The following SLC6A5 variants were observed in gnomAD, a reference collection of about 807,000 sequenced individuals.
SLC6A5 encodes the protein sodium- and chloride-dependent glycine transporter 2.
A neutral mutation model predicts 90.5 loss-of-function variants in SLC6A5; 58 were observed. The ratio of observed to expected loss-of-function variants is 0.64; its 90% CI spans 0.52 to 0.80. The LOEUF (loss-of-function observed/expected upper bound fraction) is 0.80. Among genes scored for constraint, SLC6A5 ranks in the 30% least tolerant of loss-of-function variants. The pLI is 0.00. For missense variants in SLC6A5, 1,015 were observed against 1,017.6 expected, an observed-to-expected ratio of 1.00 and a Z score of 0.03; for synonymous variants, 427 against 401.4, an observed-to-expected ratio of 1.06 and a Z score of -0.76.
chr11:20,633,007 A>G (rs1183568520), intron 10 of SLC6A5, among the ~76,000 whole-genome samples: 1 of 152,118 alleles, frequency 6.6e-6, no homozygotes, highest in East Asian at 1.9e-4. Flanking sequence ...TGAAGAGACC[A>G]AGCTGTGTTT....
intron 13 of SLC6A5, among the ~76,000 whole-genome samples, chr11:20,646,482 TG>T (rs1280976269): frequency 6.6e-6 from 1 of 152,206 alleles, no homozygotes; most frequent in Non-Finnish European, 1.5e-5. Context: ...TTGCCAGAGT[TG>T]TCACTAAGCA....
rs374593875 is a variant in SLC6A5 at position 20,646,979 on chromosome 11, C to T, written c.2070+45C>T. 1.3e-4 allele frequency: 154 copies of T among 1,223,116 alleles called. No homozygotes were observed. The African/African-American group carries it at 1.9e-3, about 15-fold the overall frequency. The allele number at this position is 1,223,116 out of a possible 1,614,324, so 75.8% of individuals were successfully genotyped here. A position where few individuals can be genotyped will look rare whatever the true frequency, so the allele number is the denominator to read the frequency against. On this transcript the variant is annotated intron_variant, in intron 14 of 15. Coordinates refer to ENST00000525748, the MANE Select transcript of SLC6A5 (RefSeq NM_004211.5). ...TCTTGTGCAGACAGCACCTTGCATA[C>T]GTATGTGGTGTTTTACATTTGAACA...
At chr11:20,607,391 C>T (rs932008218) in intron 4 of SLC6A5, 88 bp from the exon 5 acceptor site, 8 of 1,468,942 alleles carry the variant, frequency 5.4e-6, no homozygotes, top group Admixed American at 1.7e-5. Flanking sequence ...ACAAGAGAGC[C>T]TAGACCTAGG....
At chr11:20,625,214 A>G (rs1345939284) in intron 7 of SLC6A5, among the ~76,000 whole-genome samples, 1 of 152,140 alleles carries the variant, frequency 6.6e-6, no homozygotes, top group Non-Finnish European at 1.5e-5. Flanking sequence ...CCTACCTACC[A>G]TGTTCAACTA....
intron 7 of SLC6A5, among the ~76,000 whole-genome samples, chr11:20,624,010 A>G (rs2133795127): frequency 6.6e-6 from 1 of 152,244 alleles, no homozygotes; most frequent in East Asian, 1.9e-4. Flanking sequence ...GAAGCTATTC[A>G]GGGCAGAAAT....
At chr11:20,604,095 G>A (rs1301035988) in intron 2 of SLC6A5, among the ~76,000 whole-genome samples, 191 bp from the exon 3 acceptor site, 1 of 152,038 alleles carries the variant, frequency 6.6e-6, no homozygotes, top group African/African-American at 2.4e-5. Flanking sequence ...TCAGTGCAGG[G>A]TTGAGGGGTG....
At chr11:20,604,655 A>G (rs1852544004) in intron 3 of SLC6A5, among the ~76,000 whole-genome samples, 1 of 152,074 alleles carries the variant, frequency 6.6e-6, no homozygotes, top group South Asian at 2.1e-4. Context: ...ACAGGGGAGG[A>G]GTGAGAACCC....
Position 20,614,739 on chromosome 11 carries a change from C to T in SLC6A5, c.1046C>T (p.Thr349Ile), listed in dbSNP as rs201604337. 1.7e-4 allele frequency: 282 copies of T among 1,613,780 alleles called. No homozygotes were observed. Among genetic ancestry groups the T allele is most frequent in the Non-Finnish European group, 2.3e-4 (266 of 1,179,644 alleles). ...ATCAAGAACTCGACTTTCTGCATGA[C>T]CGCTTATCCCAACGTGACAATGGTT... The part of the protein sequence containing the change: ...IQIKNSTFCM[T>I]AYPNVTMVNF... The change falls in exon 6 of 16, where the codon ACC becomes ATC. Residue 349 changes from threonine to isoleucine, a missense_variant. Thr to Ile is a moderately conservative substitution (Grantham distance 89, BLOSUM62 -1). This residue lies in a region of SLC6A5 where 567 missense variants were observed against 507.3 expected (regional missense o/e 1.12). Coordinates refer to ENST00000525748, the MANE Select transcript of SLC6A5 (RefSeq NM_004211.5).
chr11:20,604,073 G>A (rs1031932562), intron 2 of SLC6A5, among the ~76,000 whole-genome samples: 4 of 152,084 alleles, frequency 2.6e-5, no homozygotes, highest in African/African-American at 9.7e-5. Context: ...GGACCTGCTT[G>A]CTGATTGACT....
At position 20,636,332 on chromosome 11, in the gene SLC6A5, C is replaced by T. The variant is rs1440792203; in HGVS notation, c.1650C>T (p.Tyr550=). 6.2e-7 allele frequency: 1 copy of T among 1,613,422 alleles called. No individual in the cohort carries two copies. The highest frequency in any genetic ancestry group is 8.5e-7 in the Non-Finnish European group (1 of 1,179,344). ...DQGPGIAFVV[Y]PEALTRLPLS... ...GGCCAGGCATTGCATTTGTGGTTTA[C>T]CCGGAAGCCTTAACCAGGCTGCCTC... The change falls in exon 11 of 16, where the codon TAC becomes TAT. Residue 550 remains tyrosine, a synonymous_variant. Coordinates refer to ENST00000525748, the MANE Select transcript of SLC6A5 (RefSeq NM_004211.5).
rs1241890919 is a variant in SLC6A5 at position 20,638,478 on chromosome 11, A to C, written c.1889A>C (p.Gln630Pro). Residue 630 changes from glutamine to proline, a missense_variant, in exon 13 of 16, where the codon CAG (glutamine) becomes CCG (proline). Transcript: ENST00000525748. ...TGTTAGGGTGGAATTTACATGTTTC[A>C]GCTTGTGGACACCTATGCTGCCTCC... is the stretch of plus-strand genomic sequence containing the variant. ...MITQGGIYMF[Q>P]LVDTYAASYA... The C allele has an allele frequency of 6.2e-7, 1 of 1,612,076 alleles. No individual in the cohort carries two copies. Among genetic ancestry groups the C allele is most frequent in the African/African-American group, 1.3e-5 (1 of 74,840 alleles).
chr11:20,627,887 T>G, intron 8 of SLC6A5, 93 bp from the exon 9 acceptor site: 2 of 892,118 alleles, frequency 2.2e-6, no homozygotes, highest in Non-Finnish European at 3.8e-6. Flanking sequence ...ATGTTTCCCC[T>G]GGAAACATGA....
chr11:20,649,917 A>G (rs1366458231), intron 14 of SLC6A5, among the ~76,000 whole-genome samples: 1 of 152,240 alleles, frequency 6.6e-6, no homozygotes, highest in Non-Finnish European at 1.5e-5. Flanking sequence ...TTTCCATAGA[A>G]GACTTTTTTC....
rs1452350583 is a variant in SLC6A5 at position 20,656,345 on chromosome 11, A to G, written c.*1477A>G. ...TTTCCCTTACAGTAATAATATCTAA[A>G]CCTAAAATTGTTTCCTTTAGGGGAG... On this transcript the variant is annotated 3_prime_UTR_variant, in exon 16 of 16. Transcript: ENST00000525748. The G allele has an allele frequency of 6.6e-6, 1 of 152,132 alleles. No individual in the cohort carries two copies. Among genetic ancestry groups the G allele is most frequent in the Non-Finnish European group, 1.5e-5 (1 of 68,030 alleles). 9.4% of individuals were successfully genotyped at this position (152,132 alleles called of 1,614,324 possible). A position where few individuals can be genotyped will look rare whatever the true frequency, so the allele number is the denominator to read the frequency against.
intron 13 of SLC6A5, among the ~76,000 whole-genome samples, chr11:20,643,859 G>A (rs1375300906): frequency 6.6e-6 from 1 of 152,164 alleles, no homozygotes; most frequent in Non-Finnish European, 1.5e-5. Context: ...CTGGAGACTC[G>A]CTGTACATGA....
At chr11:20,624,525 C>G (rs1239229453) in intron 7 of SLC6A5, among the ~76,000 whole-genome samples, 2 of 152,134 alleles carry the variant, frequency 1.3e-5, no homozygotes, top group African/African-American at 2.4e-5. Context: ...TGAATCCGTC[C>G]TCATCTCCTG....
intron 13 of SLC6A5, among the ~76,000 whole-genome samples, chr11:20,644,234 C>A (rs1379532278): frequency 6.6e-6 from 1 of 152,218 alleles, no homozygotes; most frequent in East Asian, 1.9e-4. Context: ...AACATCTCCC[C>A]ATTTTCCCCA....
chr11:20,627,071 G>A (rs79954256), intron 8 of SLC6A5, among the ~76,000 whole-genome samples: 4,679 of 152,240 alleles, frequency 0.031, 260 homozygotes, highest in African/African-American at 0.1. Flanking sequence ...AGTAGAGGCC[G>A]AAAATGAAGA....
chr11:20,623,898 G>A (rs909957130), intron 7 of SLC6A5, among the ~76,000 whole-genome samples: 2 of 151,792 alleles, frequency 1.3e-5, no homozygotes, highest in Non-Finnish European at 2.9e-5. Context: ...CACTTACCCA[G>A]CTCTAATTTT....
Sources: allele counts gnomAD v4.1 joint callset (sites outside exome capture counted in the v4.1 genomes callset), GRCh38; gene constraint gnomAD v4.1.1; regional missense constraint gnomAD v4.1.1; transcripts MANE v1.5; gene names NCBI Gene and HGNC (gene_info 2026-07-23, HGNC 2026-07-21).